CSMD3: variants seen among roughly 807,000 people sequenced by gnomAD.
The protein encoded by CSMD3 is CUB and sushi domain-containing protein 3.
CSMD3 carries 177 observed loss-of-function variants against 435.2 expected under a neutral mutation model. The observed-to-expected ratio is 0.41, with a 90% CI of 0.36 to 0.46. CSMD3 has a LOEUF of 0.46. Among genes scored for constraint, CSMD3 ranks in the 20% least tolerant of loss-of-function variants. CSMD3 has a pLI of 0.34. For synonymous variants in CSMD3, 1,656 were observed against 1,520.5 expected (o/e 1.09, Z -2.07); for missense variants, 4,265 against 4,504.6 (o/e 0.95, Z 1.52).
intron 35 of CSMD3, among the ~76,000 whole-genome samples, chr8:112,394,710 C>CCAGCT (rs1207056282): frequency 6.6e-6 from 1 of 152,150 alleles, no homozygotes. Context: ...TGTTGCAACT[C>CCAGCT]CAGCTCCTGC....
chr8:112,229,496 G>A lies in CSMD3; in HGVS notation c.10829-605C>T, dbSNP rs568500970. On this transcript the variant is annotated intron_variant, in intron 69 of 70. Coordinates refer to ENST00000297405, the MANE Select transcript of CSMD3 (RefSeq NM_198123.2). ...CAGGCTGCAGTGCAGTGGAGTGGTC[G>A]TGGCTGACTGCAGCCTCCACCTCCC... is the stretch of plus-strand genomic sequence containing the variant. Among the ~76,000 whole-genome samples, 11 of 151,800 alleles carry A rather than the reference G, an allele frequency of 7.2e-5. No individual in the cohort carries two copies. In the East Asian group the frequency reaches 1.4e-3, roughly 19 times the overall value.
intron 3 of CSMD3, among the ~76,000 whole-genome samples, chr8:113,189,466 T>C (rs2092554155): frequency 6.6e-6 from 1 of 151,782 alleles, no homozygotes; most frequent in Non-Finnish European, 1.5e-5. Context: ...ACTGGAGTTA[T>C]TAGGATTGTA....
intron 4 of CSMD3, among the ~76,000 whole-genome samples, chr8:113,126,605 A>T (rs2091138744): frequency 6.6e-6 from 1 of 151,982 alleles, no homozygotes; most frequent in Non-Finnish European, 1.5e-5. Context: ...ACAATTTGAG[A>T]CAGATTGTCC....
At chr8:113,103,317 C>T (rs574176589) in intron 4 of CSMD3, among the ~76,000 whole-genome samples, 213 of 152,226 alleles carry the variant, frequency 1.4e-3, no homozygotes, top group Middle Eastern at 6.8e-3. Flanking sequence ...ATTCTCTACT[C>T]TTGTTCTAGG....
At chr8:113,305,586 A>T (rs1298507089) in intron 2 of CSMD3, among the ~76,000 whole-genome samples, 1 of 152,212 alleles carries the variant, frequency 6.6e-6, no homozygotes, top group Non-Finnish European at 1.5e-5. Context: ...GGTTTAATTT[A>T]GTCTATTTCT....
intron 20 of CSMD3, among the ~76,000 whole-genome samples, chr8:112,641,267 C>G (rs2074817270): frequency 6.6e-6 from 1 of 152,130 alleles, no homozygotes; most frequent in Non-Finnish European, 1.5e-5. Context: ...CTTTCTTTCA[C>G]TACTGCAAAA....
intron 32 of CSMD3, among the ~76,000 whole-genome samples, chr8:112,424,190 A>G (rs1044195669): frequency 6.6e-6 from 1 of 152,180 alleles, no homozygotes; most frequent in Non-Finnish European, 1.5e-5. Flanking sequence ...ATAATTAACG[A>G]TTCAAAGCCC....
At chr8:112,566,791 C>T (rs948236685) in intron 24 of CSMD3, among the ~76,000 whole-genome samples, 1 of 152,058 alleles carries the variant, frequency 6.6e-6, no homozygotes, top group African/African-American at 2.4e-5. Context: ...CAGGCAAAGA[C>T]CCCATTTGCA....
chr8:112,960,239 C>T (rs113689240), intron 7 of CSMD3, among the ~76,000 whole-genome samples: 51 of 151,112 alleles, frequency 3.4e-4, no homozygotes, highest in Admixed American at 1.1e-3. Context: ...TCAGAACATA[C>T]TTATCACAGA....
chr8:113,383,910 C>A (rs1588638312), intron 1 of CSMD3, among the ~76,000 whole-genome samples: 1 of 152,170 alleles, frequency 6.6e-6, no homozygotes, highest in Non-Finnish European at 1.5e-5. Context: ...CCTCTGATTT[C>A]AAGTGCACCC....
chr8:112,988,667 C>T (rs2085340549), intron 6 of CSMD3, among the ~76,000 whole-genome samples: 1 of 151,964 alleles, frequency 6.6e-6, no homozygotes, highest in Non-Finnish European at 1.5e-5. Flanking sequence ...AAAGTCTTCT[C>T]CAATCTTCAG....
intron 22 of CSMD3, among the ~76,000 whole-genome samples, chr8:112,600,885 G>A (rs986345734): frequency 3.9e-5 from 6 of 151,994 alleles, no homozygotes; most frequent in Non-Finnish European, 5.9e-5. Context: ...CACCGTGTTA[G>A]CCAGGATGGT....
chr8:112,309,152 G>GA (rs1170060466), intron 50 of CSMD3, among the ~76,000 whole-genome samples: 8 of 151,704 alleles, frequency 5.3e-5, no homozygotes, highest in Non-Finnish European at 1.0e-4. Context: ...TAAGGACATT[G>GA]AAAAAATGAC....
intron 5 of CSMD3, among the ~76,000 whole-genome samples, chr8:113,077,923 T>C (rs1320715020): frequency 2.0e-5 from 3 of 152,204 alleles, no homozygotes; most frequent in Non-Finnish European, 4.4e-5. Context: ...AGTGATCTTA[T>C]AGTATAGGAA....
At chr8:113,013,056 A>T (rs1187900054) in intron 6 of CSMD3, among the ~76,000 whole-genome samples, 1 of 152,078 alleles carries the variant, frequency 6.6e-6, no homozygotes, top group Non-Finnish European at 1.5e-5. Context: ...GAAAGCAAAG[A>T]TTAGAATACC....
intron 23 of CSMD3, among the ~76,000 whole-genome samples, chr8:112,584,744 C>T (rs1830590310): frequency 6.6e-6 from 1 of 151,162 alleles, no homozygotes. Context: ...TAAATTCTCT[C>T]AGTCAAGGGG....
chr8:112,811,358 G>A (rs1311529367), intron 12 of CSMD3, among the ~76,000 whole-genome samples: 3 of 151,864 alleles, frequency 2.0e-5, no homozygotes, highest in African/African-American at 7.3e-5. Flanking sequence ...TAAAGTTGTA[G>A]ATGCTTTCTT....
At chr8:113,024,573 A>G (rs1234961990) in intron 5 of CSMD3, among the ~76,000 whole-genome samples, 1 of 152,138 alleles carries the variant, frequency 6.6e-6, no homozygotes, top group Admixed American at 6.5e-5. Context: ...ATTCTTGTCA[A>G]CACTGTAGAA....
Position 112,383,558 on chromosome 8 carries a change from C to T in CSMD3, c.6031+9G>A. The T allele has an allele frequency of 1.4e-6, 2 of 1,434,282 alleles. No individual in the cohort carries two copies. The highest frequency in any genetic ancestry group is 2.0e-6 in the Non-Finnish European group (2 of 1,016,222). The allele number at this position is 1,434,282 out of a possible 1,614,324, so 88.8% of individuals were successfully genotyped here. On this transcript the variant is annotated intron_variant, in intron 37 of 70. Coordinates refer to ENST00000297405, the MANE Select transcript of CSMD3 (RefSeq NM_198123.2). ...CTGTATTTTAATTAAGCTCAGCTCT[C>T]TTATTTACCTGAATAGCTTCCAAGT... is the stretch of plus-strand genomic sequence containing the variant.
Sources: allele counts gnomAD v4.1 joint callset (sites outside exome capture counted in the v4.1 genomes callset), GRCh38; gene constraint gnomAD v4.1.1; transcripts MANE v1.5; gene names NCBI Gene and HGNC (gene_info 2026-07-23, HGNC 2026-07-21).